The following SLCO4A1 variants were observed in gnomAD, a reference collection of about 807,000 sequenced individuals.
SLCO4A1 encodes solute carrier organic anion transporter family member 4A1, also known as colon organic anion transporter.
A neutral mutation model predicts 64.6 loss-of-function variants in SLCO4A1; 51 were observed. The observed-to-expected ratio is 0.79, with a 90% CI of 0.63 to 1.00. The LOEUF (loss-of-function observed/expected upper bound fraction) is 1.00, where lower values mean the gene tolerates loss of function less well. Ranked by LOEUF, SLCO4A1 falls within the 50% of genes least tolerant of loss-of-function variation. The probability of loss-of-function intolerance (pLI) is 0.00; values close to 1 mark genes in which losing one functional copy is unlikely to be tolerated. For synonymous variants in SLCO4A1, 471 were observed against 444.9 expected, an observed-to-expected ratio of 1.06 and a Z score of -0.74; for missense variants, 919 against 980.5, an observed-to-expected ratio of 0.94 and a Z score of 0.84.
At chr20:62,668,269 A>C (rs577815836) in intron 9 of SLCO4A1, 85 bp downstream of exon 9, 1 of 1,474,546 alleles carries the variant, frequency 6.8e-7, no homozygotes, top group South Asian at 1.1e-5. Context: ...AGACAGGAGC[A>C]CTCCAGGAAA....
Position 62,661,229 on chromosome 20 carries a change from C to G in SLCO4A1, c.1121+54C>G, listed in dbSNP as rs769589798. 7.9e-5 allele frequency: 102 copies of G among 1,297,256 alleles called. No individual in the cohort carries two copies. The highest frequency in any genetic ancestry group is 1.1e-4 in the Non-Finnish European group (100 of 893,626). The allele number at this position is 1,297,256 out of a possible 1,614,324, so 80.4% of individuals were successfully genotyped here. A position where few individuals can be genotyped will look rare whatever the true frequency, so the allele number is the denominator to read the frequency against. On this transcript the variant is annotated intron_variant, in intron 5 of 11. Coordinates refer to ENST00000217159, the MANE Select transcript of SLCO4A1 (RefSeq NM_016354.4). This position sits in a 1 kb window ranked among gnomAD's most constrained non-coding sequence, Gnocchi z 5.2. The stretch of plus-strand genomic sequence containing the variant: ...GTGTCCTCAGACCCTTTAATGGTCC[C>G]CATCTTGGGGGAGTCGTTGAGACCC...
rs890067855 is a variant in SLCO4A1 at position 62,644,739 on chromosome 20, G to A, written c.-97+2186G>A. On this transcript the variant is annotated intron_variant, in intron 1 of 11. Coordinates refer to ENST00000217159, the MANE Select transcript of SLCO4A1 (RefSeq NM_016354.4). This position sits in a 1 kb window ranked among gnomAD's most constrained non-coding sequence, Gnocchi z 5.4. Reference sequence around the variant, plus strand: ...CCATGAGTGTTAATCCATTTCTGGGGTGGGTACTGCTGAGCCAATATACAT... The same window carrying A: ...CCATGAGTGTTAATCCATTTCTGGGATGGGTACTGCTGAGCCAATATACAT... Among the ~76,000 whole-genome samples the A allele has an allele frequency of 1.3e-5, 2 of 152,252 alleles. No homozygotes were observed.
At chr20:62,660,788 G>A (rs1458224076) in intron 4 of SLCO4A1, among the ~76,000 whole-genome samples, 3 of 152,158 alleles carry the variant, frequency 2.0e-5, no homozygotes, top group African/African-American at 7.2e-5. Context: ...CACGGAACAG[G>A]CTTGTCCCAA....
At chr20:62,667,473 C>T (rs572011281) in intron 7 of SLCO4A1, 22 of 465,878 alleles carry the variant, frequency 4.7e-5, no homozygotes, top group Non-Finnish European at 5.3e-5. Context: ...TGTCCAAAAA[C>T]AAATGAACTA....
At chr20:62,649,083 C>A (rs1347205376) in intron 1 of SLCO4A1, 1 of 152,358 alleles carries the variant, frequency 6.6e-6, no homozygotes, top group Non-Finnish European at 1.5e-5. Context: ...AGTCCCGAGA[C>A]CTGTCGTTGG....
At position 62,645,426 on chromosome 20, in the gene SLCO4A1, C is replaced by T. The variant is rs1281623961; in HGVS notation, c.-97+2873C>T. 1.3e-5 allele frequency among the ~76,000 whole-genome samples: 2 copies of T among 150,772 alleles called. No individual in the cohort carries two copies. The highest frequency in any genetic ancestry group is 3.0e-5 in the Non-Finnish European group (2 of 67,538). On this transcript the variant is annotated intron_variant, in intron 1 of 11. Coordinates refer to ENST00000217159, the MANE Select transcript of SLCO4A1 (RefSeq NM_016354.4). The surrounding 1 kb of genome is among the most constrained non-coding windows in gnomAD (Gnocchi z 4.2). The stretch of plus-strand genomic sequence containing the variant: ...TGCTGCCTTCTCTGGCCCCTGCTGG[C>T]CCTTCAGGCTACGGTGAGGGTGAGG...
At chr20:62,667,473 CAAATG>C (rs1986566270) in intron 7 of SLCO4A1, 1 of 465,878 alleles carries the variant, frequency 2.1e-6, no homozygotes, top group Non-Finnish European at 3.8e-6. Context: ...TGTCCAAAAA[CAAATG>C]AACTAGGGAA....
intron 2 of SLCO4A1, among the ~76,000 whole-genome samples, chr20:62,678,787 G>T (rs903027235): frequency 3.9e-5 from 6 of 152,182 alleles, no homozygotes; most frequent in African/African-American, 1.4e-4. Context: ...GCACCACGCT[G>T]AGCAAAAGAA....
At chr20:62,672,349 C>T (rs945253384), downstream of SLCO4A1, 31 of 970,730 alleles carry the variant, frequency 3.2e-5, no homozygotes, top group Non-Finnish European at 3.9e-5. Flanking sequence ...GTGGTCTCGC[C>T]ATCCTTGGCC....
chr20:62,671,939 T>C lies in SLCO4A1; in HGVS notation c.*46T>C, dbSNP rs1414524259. ...GCCACGGCGGGCACTCAGCATTTCC[T>C]GATGACAGAACAGTGCCGTTGGGTG... On this transcript the variant is annotated 3_prime_UTR_variant, in exon 12 of 12. Coordinates refer to ENST00000217159, the MANE Select transcript of SLCO4A1 (RefSeq NM_016354.4). 1.2e-6 allele frequency: 2 copies of C among 1,603,444 alleles called. No homozygotes were observed. Among genetic ancestry groups the C allele is most frequent in the East Asian group, 4.5e-5 (2 of 44,886 alleles).
At chr20:62,671,705 C>T in intron 11 of SLCO4A1, 45 bp from the exon 12 acceptor site, 1 of 1,584,236 alleles carries the variant, frequency 6.3e-7, no homozygotes, top group South Asian at 1.1e-5. Context: ...TCCAAAGGCT[C>T]TGGCCGAGCT....
chr20:62,674,442 C>T (rs977236993), downstream of SLCO4A1, among the ~76,000 whole-genome samples: 1 of 152,186 alleles, frequency 6.6e-6, no homozygotes, highest in African/African-American at 2.4e-5. Context: ...GCTGCGTCCT[C>T]ACATCAGGGA....
intron 11 of SLCO4A1, among the ~76,000 whole-genome samples, chr20:62,671,142 A>T (rs1298314536): frequency 3.9e-5 from 6 of 152,208 alleles, no homozygotes; most frequent in African/African-American, 1.2e-4. Flanking sequence ...TGATGGTGGC[A>T]CCGGGGCTTG....
At chr20:62,666,115 C>CCCTTCCCCTTCCCCTTCCCCTTCCCCTT (rs1254081709) in intron 6 of SLCO4A1, 1 of 19,614 alleles carries the variant, frequency 5.1e-5, no homozygotes, top group African/African-American at 1.1e-4. Flanking sequence ...GCCCCGCCCC[C>CCCTTCCCCTTCCCCTTCCCCTTCCCCTT]CCGCTCCCCC....
rs1984895203 is a variant in SLCO4A1 at position 62,661,572 on chromosome 20, A to C, written c.1121+397A>C. 6.6e-6 allele frequency among the ~76,000 whole-genome samples: 1 copy of C among 151,104 alleles called. No homozygotes were observed. Among genetic ancestry groups the C allele is most frequent in the African/African-American group, 2.4e-5 (1 of 41,028 alleles). ...CCAGGGAAGCTGCATTTGACTTGAGACCCTTCCCTCACCATGACCCCCCAC... is the reference window on the plus strand; with the variant it reads ...CCAGGGAAGCTGCATTTGACTTGAGCCCCTTCCCTCACCATGACCCCCCAC... On this transcript the variant is annotated intron_variant, in intron 5 of 11. Transcript: ENST00000217159. This position sits in a 1 kb window ranked among gnomAD's most constrained non-coding sequence, Gnocchi z 5.2.
intron 6 of SLCO4A1, 94 bp downstream of exon 6, chr20:62,665,182 C>T (rs1428256745): frequency 3.5e-6 from 5 of 1,413,532 alleles, no homozygotes; most frequent in South Asian, 1.4e-5. Context: ...CCAGACAGGG[C>T]ACATGGCAGT....
rs1161585164 is a variant in SLCO4A1 at position 62,644,229 on chromosome 20, G to GC, written c.-97+1678dup. ...CTGGAGGGAGCCAGGGCAGAGGCCG[G>GC]CCACTCGGTGAGACCTGGACGCTGA... is the stretch of plus-strand genomic sequence containing the variant. On this transcript the variant is annotated intron_variant, in intron 1 of 11. Coordinates refer to ENST00000217159, the MANE Select transcript of SLCO4A1 (RefSeq NM_016354.4). This position sits in a 1 kb window ranked among gnomAD's most constrained non-coding sequence, Gnocchi z 5.4. 6.6e-6 allele frequency among the ~76,000 whole-genome samples: 1 copy of GC among 152,254 alleles called. No homozygotes were observed. The highest frequency in any genetic ancestry group is 1.5e-5 in the Non-Finnish European group (1 of 68,030).
In SLCO4A1 at chr20:62,665,107, G is replaced by C. The variant is rs762591684; in HGVS notation, c.1276+19G>C. On this transcript the variant is annotated intron_variant, in intron 6 of 11. Coordinates refer to ENST00000217159, the MANE Select transcript of SLCO4A1 (RefSeq NM_016354.4). ...TTGTTTGGTGAGAAAACTGAATCTT[G>C]GGGGTCCTCTGCTTTTATGTCAGTT... The C allele has an allele frequency of 6.3e-7, 1 of 1,596,364 alleles. No homozygotes were observed. Among genetic ancestry groups the C allele is most frequent in the Non-Finnish European group, 8.5e-7 (1 of 1,172,622 alleles).
rs867718857 is a variant in SLCO4A1, at chr20:62,668,852, C to G, written c.1877-78C>G. 3 of 1,433,954 alleles carry G rather than the reference C, an allele frequency of 2.1e-6. No homozygotes were observed. In the Admixed American group the frequency reaches 5.8e-5, roughly 28 times the overall value. The allele number at this position is 1,433,954 out of a possible 1,614,324, so 88.8% of individuals were successfully genotyped here. A position where few individuals can be genotyped will look rare whatever the true frequency, so the allele number is the denominator to read the frequency against. ...ATCACCTTCCCAGAGCCCATCATTC[C>G]AGGCCTCTTGGCTGCCTGCCCCCTG... On this transcript the variant is annotated intron_variant, in intron 10 of 11. Transcript: ENST00000217159.
Sources: allele counts gnomAD v4.1 joint callset (sites outside exome capture counted in the v4.1 genomes callset), GRCh38; gene constraint gnomAD v4.1.1; non-coding constraint Gnocchi (gnomAD v3.1); transcripts MANE v1.5; gene names NCBI Gene and HGNC (gene_info 2026-07-23, HGNC 2026-07-21).